Variants in TNFRSF10D observed in about 807,000 individuals in gnomAD.
The protein encoded by TNFRSF10D is TNF receptor superfamily member 10d.
TNFRSF10D carries 28 observed loss-of-function variants against 42.1 expected under a neutral mutation model. The ratio of observed to expected loss-of-function variants is 0.66; its 90% CI spans 0.49 to 0.91. The LOEUF (loss-of-function observed/expected upper bound fraction) is 0.91, where lower values mean the gene tolerates loss of function less well. TNFRSF10D is among the 40% of genes least tolerant of loss of function. The pLI is 0.00. For missense variants in TNFRSF10D, 503 were observed against 486.1 expected (o/e 1.03, Z -0.33); for synonymous variants, 186 against 189.4 (o/e 0.98, Z 0.15).
At position 23,137,981 on chromosome 8, in the gene TNFRSF10D, C is replaced by T. The variant is rs986071774; in HGVS notation, c.1050G>A (p.Ser350=). The T allele has an allele frequency of 1.5e-5, 25 of 1,614,020 alleles. No individual in the cohort carries two copies. The highest frequency in any genetic ancestry group is 1.9e-5 in the Non-Finnish European group (22 of 1,180,038). ...SADISTLLDA[S]ATLEEGHAKE... ...TTGCATGTCCTTCTTCCAGTGTTGC[C>T]GAGGCATCCAGCAAGGTGCTGACTG... The change falls in exon 9 of 9, where the codon TCG becomes TCA. Residue 350 remains serine, a synonymous_variant. Coordinates refer to ENST00000312584, the MANE Select transcript of TNFRSF10D (RefSeq NM_003840.5).
In TNFRSF10D at chr8:23,137,944, G is replaced by C. The variant is rs1404497803; in HGVS notation, c.1087C>G (p.Gln363Glu). 2.5e-6 allele frequency: 4 copies of C among 1,614,208 alleles called. No individual in the cohort carries two copies. Among genetic ancestry groups the C allele is most frequent in the African/African-American group, 2.7e-5 (2 of 75,056 alleles). Residue 363 changes from glutamine to glutamate, a missense_variant, in exon 9 of 9, where the codon CAG (glutamine) becomes GAG (glutamate). Physicochemically the swap from Gln to Glu is conservative, Grantham distance 29. Transcript: ENST00000312584. ...TTTTCGGAGCCCACCAGTTGGTCCT[G>C]AATTGTTTCCTTTGCATGTCCTTCT... ...LEEGHAKETI[Q>E]DQLVGSEKLF... is the part of the protein sequence containing the mutation.
intron 7 of TNFRSF10D, among the ~76,000 whole-genome samples, chr8:23,139,239 G>T (rs972960946): frequency 6.7e-5 from 10 of 149,244 alleles, no homozygotes; most frequent in Admixed American, 4.6e-4. Flanking sequence ...TTTATTTGAA[G>T]AGGAACACAA....
chr8:23,142,000 G>A (rs1011222058), intron 7 of TNFRSF10D, among the ~76,000 whole-genome samples: 17 of 152,118 alleles, frequency 1.1e-4, no homozygotes, highest in African/African-American at 1.9e-4. Flanking sequence ...TGCTGGGCGC[G>A]GTGGCTCACA....
At position 23,145,889 on chromosome 8, in the gene TNFRSF10D, C is replaced by T. The variant is rs752742454; in HGVS notation, c.515G>A (p.Cys172Tyr). Residue 172 changes from cysteine (C) to tyrosine (Y), a missense_variant, in exon 5 of 9, where the codon TGT becomes TAT. Physicochemically the swap from Cys to Tyr is radical, Grantham distance 194. Transcript: ENST00000312584. ...CPRGMVKVSN[C>Y]TPRSDIKCKN... ...GCACTTGATGTCACTCCGGGGCGTA[C>T]AATTACTGACCTTGACCATCCCTCT... 2.2e-5 allele frequency: 36 copies of T among 1,614,056 alleles called. No individual in the cohort carries two copies. The South Asian group carries it at 3.7e-4, about 17-fold the overall frequency.
chr8:23,161,522 G>C (rs994351189), intron 1 of TNFRSF10D, among the ~76,000 whole-genome samples: 1 of 152,150 alleles, frequency 6.6e-6, no homozygotes, highest in African/African-American at 2.4e-5. Flanking sequence ...AGGTGGCAGG[G>C]ACTGGCCCCA....
chr8:23,149,007 A>G (rs12541204), intron 2 of TNFRSF10D, among the ~76,000 whole-genome samples: 10,925 of 151,356 alleles, frequency 0.072, 575 homozygotes, highest in Admixed American at 0.16. Context: ...TGGCTAACAC[A>G]GTGAAACCCC....
chr8:23,162,175 C>T (rs4872062), intron 1 of TNFRSF10D, among the ~76,000 whole-genome samples: 26,285 of 151,654 alleles, frequency 0.17, 2,946 homozygotes, highest in East Asian at 0.58. Context: ...TAAAAAGCAA[C>T]TGTGCATTGA....
intron 7 of TNFRSF10D, among the ~76,000 whole-genome samples, chr8:23,139,935 A>G (rs957253448): frequency 2.6e-5 from 4 of 151,836 alleles, no homozygotes; most frequent in African/African-American, 9.7e-5. Context: ...CACGATGTCA[A>G]GAGTTCAAGA....
chr8:23,149,189 C>CAAAAAAAAAA (rs370400558), intron 2 of TNFRSF10D, among the ~76,000 whole-genome samples: 2 of 85,646 alleles, frequency 2.3e-5, no homozygotes, highest in East Asian at 3.4e-4. Flanking sequence ...GACTCTGTCT[C>CAAAAAAAAAA]AAAAAAAAAA....
intron 3 of TNFRSF10D, among the ~76,000 whole-genome samples, chr8:23,148,164 G>A (rs1425186976): frequency 6.6e-6 from 1 of 150,446 alleles, no homozygotes; most frequent in Non-Finnish European, 1.5e-5. Context: ...CACTAAACCT[G>A]GGAGGCAGAG....
chr8:23,146,888 G>C (rs978939858), intron 4 of TNFRSF10D, 73 bp downstream of exon 4: 3 of 1,282,714 alleles, frequency 2.3e-6, no homozygotes, highest in Admixed American at 3.4e-5. Flanking sequence ...TCAGCGGAGA[G>C]ATAGAGGTAC....
At chr8:23,163,654 G>T in intron 1 of TNFRSF10D, 132 bp downstream of exon 1, 1 of 1,402,122 alleles carries the variant, frequency 7.1e-7, no homozygotes, top group African/African-American at 1.5e-5. Context: ...CCGACGGCGG[G>T]TTCGTCCTGC....
At chr8:23,147,470 G>C (rs1047698357) in intron 3 of TNFRSF10D, among the ~76,000 whole-genome samples, 17 of 152,220 alleles carry the variant, frequency 1.1e-4, no homozygotes, top group African/African-American at 4.1e-4. Context: ...CCTTTCAGGA[G>C]CACAGAGCCC....
At chr8:23,144,341 G>T (rs1800077893) in intron 7 of TNFRSF10D, 109 bp downstream of exon 7, 5 of 1,305,700 alleles carry the variant, frequency 3.8e-6, no homozygotes, top group South Asian at 2.9e-5. Context: ...TCTCCCAAAG[G>T]CTCCATGTCC....
chr8:23,155,009 G>A, intron 1 of TNFRSF10D, 30 bp from the exon 2 acceptor site: 1 of 1,559,912 alleles, frequency 6.4e-7, no homozygotes, highest in East Asian at 2.3e-5. Context: ...ATGGGCTTGA[G>A]TGGCTTCCAG....
intron 1 of TNFRSF10D, among the ~76,000 whole-genome samples, chr8:23,163,513 A>T (rs1800405528): frequency 6.6e-6 from 1 of 152,090 alleles, no homozygotes; most frequent in Non-Finnish European, 1.5e-5. Context: ...CCCTCCGCTG[A>T]TTCTGGAACT....
At chr8:23,161,991 G>T (rs1200103845) in intron 1 of TNFRSF10D, among the ~76,000 whole-genome samples, 3 of 152,184 alleles carry the variant, frequency 2.0e-5, no homozygotes, top group Non-Finnish European at 4.4e-5. Flanking sequence ...AGGCAAATTT[G>T]CTTTGGGTTA....
chr8:23,161,873 G>A (rs961945643), intron 1 of TNFRSF10D, among the ~76,000 whole-genome samples: 1 of 152,228 alleles, frequency 6.6e-6, no homozygotes, highest in Non-Finnish European at 1.5e-5. Flanking sequence ...CACGGAAGTA[G>A]AAGTAAAATT....
intron 2 of TNFRSF10D, among the ~76,000 whole-genome samples, chr8:23,149,823 C>G (rs1041373362): frequency 6.6e-6 from 1 of 152,138 alleles, no homozygotes; most frequent in African/African-American, 2.4e-5. Flanking sequence ...AACCTCGTCT[C>G]TGTCTCACTC....
Sources: allele counts gnomAD v4.1 joint callset (sites outside exome capture counted in the v4.1 genomes callset), GRCh38; gene constraint gnomAD v4.1.1; transcripts MANE v1.5; gene names NCBI Gene and HGNC (gene_info 2026-07-23, HGNC 2026-07-21).